Variants in RPS6KC1 observed in about 807,000 individuals in gnomAD.
RPS6KC1 encodes the protein ribosomal protein S6 kinase C1.
Under a neutral mutation model 103.8 loss-of-function variants are expected in RPS6KC1, and 54 were observed. The ratio of observed to expected loss-of-function variants is 0.52; its 90% CI spans 0.42 to 0.65. The LOEUF is 0.65. Among genes scored for constraint, RPS6KC1 ranks in the 30% least tolerant of loss-of-function variants. The pLI, the probability that RPS6KC1 is intolerant of heterozygous loss-of-function variation, is 0.00. For missense variants in RPS6KC1, 1,151 were observed against 1,253.8 expected (o/e 0.92, Z 1.24); for synonymous variants, 439 against 438.7 (o/e 1.00, Z -0.01).
the RPS6KC1 span, among the ~76,000 whole-genome samples, chr1:213,388,848 C>T: frequency 6.6e-6 from 1 of 152,230 alleles, no homozygotes; most frequent in Non-Finnish European, 1.5e-5. Context: ...AGATAAAAGA[C>T]AAGACCAAAC....
chr1:213,498,832 T>G, the RPS6KC1 span, among the ~76,000 whole-genome samples: 1 of 148,012 alleles, frequency 6.8e-6, no homozygotes, highest in East Asian at 2.0e-4. Context: ...CAGGCTGGAG[T>G]GCAGTGGCGT....
At position 213,057,143 on chromosome 1, in the gene RPS6KC1, G is replaced by A. The variant is rs142146557; in HGVS notation, c.105+5634G>A. 8.6e-3 allele frequency among the ~76,000 whole-genome samples: 1,303 copies of A among 152,062 alleles called. 25 individuals carry two copies. Among genetic ancestry groups the A allele is most frequent in the African/African-American group, 0.029 (1,208 of 41,476 alleles). ...TTTTTAAGAGACGGGGTTTCACCAT[G>A]TTGCCCAGGCTGATCTTGAACTCCT... On this transcript the variant is annotated intron_variant, in intron 1 of 14. Transcript: ENST00000366960.
intron 7 of RPS6KC1, among the ~76,000 whole-genome samples, chr1:213,170,531 A>G (rs1572991553): frequency 6.6e-6 from 1 of 152,226 alleles, no homozygotes; most frequent in African/African-American, 2.4e-5. Flanking sequence ...ATAGTTGAGC[A>G]AACAAAGTTA....
intron 8 of RPS6KC1, among the ~76,000 whole-genome samples, chr1:213,207,300 T>G (rs910498844): frequency 7.2e-5 from 11 of 152,284 alleles, no homozygotes; most frequent in African/African-American, 9.6e-5. Flanking sequence ...GAAATGGACT[T>G]TCTTTGAGAA....
chr1:213,683,824 G>T, the RPS6KC1 span, among the ~76,000 whole-genome samples: 1 of 151,986 alleles, frequency 6.6e-6, no homozygotes, highest in Non-Finnish European at 1.5e-5. Flanking sequence ...CCAAATATTG[G>T]CCAGGGGCAG....
chr1:213,151,883 T>C (rs1302988661), intron 6 of RPS6KC1, among the ~76,000 whole-genome samples: 18 of 61,064 alleles, frequency 2.9e-4, no homozygotes, highest in African/African-American at 5.7e-4. Context: ...GGGGGGCTGA[T>C]CCCCCAACCT....
the RPS6KC1 span, among the ~76,000 whole-genome samples, chr1:213,800,407 A>G: frequency 6.6e-6 from 1 of 152,304 alleles, no homozygotes; most frequent in East Asian, 1.9e-4. Flanking sequence ...GAAGTGGGAA[A>G]GATAGGAGCC....
chr1:213,068,873 ATGTGTGTGTGTGTGTGTGTGTGTGTG>A (rs60259563), intron 1 of RPS6KC1, among the ~76,000 whole-genome samples: 114 of 127,394 alleles, frequency 8.9e-4, no homozygotes, highest in African/African-American at 3.3e-3. Flanking sequence ...AAGTGTATAT[ATGTGTGTGTGTGTGTGTGTGTGTGTG>A]TGTGTGTGTG....
chr1:213,160,692 C>G (rs1008540579), intron 6 of RPS6KC1, among the ~76,000 whole-genome samples: 1 of 151,688 alleles, frequency 6.6e-6, no homozygotes, highest in Non-Finnish European at 1.5e-5. Flanking sequence ...GAGTTCATGT[C>G]CTTTGTAGGG....
intron 6 of RPS6KC1, among the ~76,000 whole-genome samples, chr1:213,158,658 C>G (rs578075063): frequency 5.5e-4 from 84 of 152,270 alleles, no homozygotes; most frequent in Non-Finnish European, 9.6e-4. Context: ...CATAGAGCTA[C>G]TTCTCCAGTA....
chr1:213,647,298 A>G, the RPS6KC1 span, among the ~76,000 whole-genome samples: 1 of 152,302 alleles, frequency 6.6e-6, no homozygotes, highest in South Asian at 2.1e-4. Flanking sequence ...GTGAAGATGT[A>G]TCATGGTTAG....
chr1:213,453,804 G>T, the RPS6KC1 span, among the ~76,000 whole-genome samples: 1 of 152,160 alleles, frequency 6.6e-6, no homozygotes, highest in Admixed American at 6.5e-5. Context: ...GTAAAGCTGG[G>T]ACTAAATCCA....
At chr1:213,552,947 G>A in the RPS6KC1 span, among the ~76,000 whole-genome samples, 2 of 151,872 alleles carry the variant, frequency 1.3e-5, no homozygotes, top group Non-Finnish European at 2.9e-5. Context: ...TTGCAGTATG[G>A]TACCCCATAA....
At chr1:213,324,569 C>G in the RPS6KC1 span, among the ~76,000 whole-genome samples, 1 of 136,838 alleles carries the variant, frequency 7.3e-6, no homozygotes, top group African/African-American at 2.7e-5. Flanking sequence ...AGACACTATT[C>G]AACCCAGTGT....
chr1:213,285,782 G>A, the RPS6KC1 span, among the ~76,000 whole-genome samples: 12 of 152,222 alleles, frequency 7.9e-5, no homozygotes, highest in Non-Finnish European at 1.6e-4. Flanking sequence ...GGCTTTGGGG[G>A]AAGTAATAAT....
chr1:213,766,344 T>A, the RPS6KC1 span, among the ~76,000 whole-genome samples: 3,245 of 152,272 alleles, frequency 0.021, 61 homozygotes, highest in East Asian at 0.057. Context: ...TCTTCTTGTA[T>A]TTGGGTGAAA....
chr1:213,585,339 T>C, the RPS6KC1 span, among the ~76,000 whole-genome samples: 1 of 151,966 alleles, frequency 6.6e-6, no homozygotes, highest in African/African-American at 2.4e-5. Flanking sequence ...ATGCATGGGG[T>C]CAGCCTTTCT....
chr1:213,736,556 T>C, the RPS6KC1 span, among the ~76,000 whole-genome samples: 3 of 152,168 alleles, frequency 2.0e-5, no homozygotes, highest in Admixed American at 2.0e-4. Context: ...CTAGCCATCA[T>C]CTGTGTCATC....
the RPS6KC1 span, among the ~76,000 whole-genome samples, chr1:213,625,641 C>T: frequency 1.2e-4 from 18 of 152,176 alleles, no homozygotes; most frequent in Non-Finnish European, 2.1e-4. Context: ...CATGTGTTCT[C>T]ATTGTTCAAT....
Sources: allele counts gnomAD v4.1 joint callset (sites outside exome capture counted in the v4.1 genomes callset), GRCh38; gene constraint gnomAD v4.1.1; transcripts MANE v1.5; gene names NCBI Gene and HGNC (gene_info 2026-07-23, HGNC 2026-07-21).